CHEK1: variants seen among roughly 807,000 people sequenced by gnomAD.
The protein encoded by CHEK1 is serine/threonine-protein kinase Chk1.
A neutral mutation model predicts 60.2 loss-of-function variants in CHEK1; 32 were observed. That is an observed-to-expected ratio of 0.53 (90% confidence interval 0.40 to 0.71). The LOEUF (loss-of-function observed/expected upper bound fraction) is 0.71. CHEK1 is among the 30% of genes least tolerant of loss of function. The pLI is 0.00. For missense variants in CHEK1, 399 were observed against 564.6 expected, an observed-to-expected ratio of 0.71 and a Z score of 2.97; for synonymous variants, 179 against 187.2, an observed-to-expected ratio of 0.96 and a Z score of 0.36.
downstream of CHEK1, chr11:125,657,196 T>TGC: frequency 6.1e-6 from 1 of 162,980 alleles, no homozygotes; most frequent in East Asian, 1.3e-4. Flanking sequence ...CTTGTGTGTG[T>TGC]GTGTGTGTGT....
chr11:125,632,556 A>C (rs774038162), intron 5 of CHEK1, among the ~76,000 whole-genome samples: 26 of 152,186 alleles, frequency 1.7e-4, no homozygotes, highest in Non-Finnish European at 4.4e-5. Context: ...TTCACTAAAC[A>C]TAAGTTAAGT....
downstream of CHEK1, chr11:125,677,811 G>A: frequency 6.2e-7 from 1 of 1,614,148 alleles, no homozygotes; most frequent in Non-Finnish European, 8.5e-7. Context: ...AGATGTGCTT[G>A]AAATTGGTGC....
downstream of CHEK1, among the ~76,000 whole-genome samples, chr11:125,659,655 A>G (rs1346716081): frequency 6.6e-6 from 1 of 152,124 alleles, no homozygotes; most frequent in Admixed American, 6.5e-5. Context: ...CTGAATTTCC[A>G]GGCCTTTGGG....
chr11:125,627,572 G>T (rs761815780), intron 2 of CHEK1, 35 bp from the exon 3 acceptor site: 75 of 1,526,968 alleles, frequency 4.9e-5, no homozygotes, highest in Non-Finnish European at 6.2e-5. Context: ...AGAAGAAATG[G>T]AATTCTGTAA....
chr11:125,637,211 G>A (rs1043601948), intron 7 of CHEK1, among the ~76,000 whole-genome samples: 2 of 152,132 alleles, frequency 1.3e-5, no homozygotes, highest in African/African-American at 4.8e-5. Flanking sequence ...TTTCCATCTG[G>A]CTCTTGTTCT....
At chr11:125,675,241 C>T (rs1461362732) in intron 13 of CHEK1, among the ~76,000 whole-genome samples, 1 of 152,122 alleles carries the variant, frequency 6.6e-6, no homozygotes, top group Non-Finnish European at 1.5e-5. Flanking sequence ...TTCTGAATAC[C>T]ACCTTCTCCC....
intron 7 of CHEK1, among the ~76,000 whole-genome samples, 181 bp from the exon 8 acceptor site, chr11:125,637,268 T>TACAG (rs1390222681): frequency 6.6e-6 from 1 of 152,262 alleles, no homozygotes; most frequent in African/African-American, 2.4e-5. Context: ...TACTCCAAGA[T>TACAG]ACAGCAGCAG....
chr11:125,626,502 TG>T, intron 1 of CHEK1: 1 of 533,100 alleles, frequency 1.9e-6, no homozygotes. Context: ...TAATTTCCTC[TG>T]GGGCCTGAGG....
chr11:125,661,368 G>A (rs924133983), downstream of CHEK1, among the ~76,000 whole-genome samples: 1 of 151,912 alleles, frequency 6.6e-6, no homozygotes, highest in African/African-American at 2.4e-5. Context: ...CTAGAGTGCA[G>A]TGGTACCATC....
At chr11:125,666,463 A>G (rs185260529) in intron 13 of CHEK1, among the ~76,000 whole-genome samples, 2 of 152,278 alleles carry the variant, frequency 1.3e-5, no homozygotes, top group East Asian at 3.9e-4. Context: ...GATGACAAGA[A>G]CATGTATTCT....
chr11:125,639,489 G>C (rs1198958196), intron 8 of CHEK1, among the ~76,000 whole-genome samples: 1 of 144,680 alleles, frequency 6.9e-6, no homozygotes, highest in Non-Finnish European at 1.5e-5. Flanking sequence ...CGATTCTCGT[G>C]CCTTAGCCAC....
At chr11:125,666,951 TTTGTTG>T (rs954007836) in intron 13 of CHEK1, among the ~76,000 whole-genome samples, 1 of 151,952 alleles carries the variant, frequency 6.6e-6, no homozygotes, top group Non-Finnish European at 1.5e-5. Context: ...TCAGACAACT[TTTGTTG>T]TTGTTGTTGT....
At position 125,644,252 on chromosome 11, in the gene CHEK1, C is replaced by A. The variant is rs1462376220; in HGVS notation, c.1085C>A (p.Thr362Asn). Residue 362 changes from threonine to asparagine, a missense_variant, in exon 10 of 13, where the codon ACC (threonine) becomes AAC (asparagine). Around this residue, in one of 2 missense-constraint regions of CHEK1, gnomAD observed 370 missense variants for 494.8 expected, o/e 0.75. Transcript: ENST00000438015. ...HMLLNSQLLGTPGSSQNPWQR... is the reference protein window; with the variant it reads ...HMLLNSQLLGNPGSSQNPWQR... ...CTTTTGAATAGTCAGTTACTTGGCA[C>A]CCCAGGATCCTCACAGGTGAGGGAA... 6.2e-7 allele frequency: 1 copy of A among 1,612,268 alleles called. No individual in the cohort carries two copies. The highest frequency in any genetic ancestry group is 2.2e-5 in the East Asian group (1 of 44,870).
In CHEK1 at chr11:125,655,558, T is replaced by C; in HGVS notation, c.*238T>C. On this transcript the variant is annotated 3_prime_UTR_variant, in exon 13 of 13. Transcript: ENST00000438015. Reference sequence around the variant, plus strand: ...GATGAATAGAATTCATTTGATTATTTCTTCATGTGTGTTTAGTATCTGAAT... The same window carrying C: ...GATGAATAGAATTCATTTGATTATTCCTTCATGTGTGTTTAGTATCTGAAT... 1 of 339,722 alleles carries C rather than the reference T, an allele frequency of 2.9e-6. No individual in the cohort carries two copies. 21.0% of individuals were successfully genotyped at this position (339,722 alleles called of 1,614,324 possible). A position where few individuals can be genotyped will look rare whatever the true frequency, so the allele number is the denominator to read the frequency against.
Position 125,644,112 on chromosome 11 carries a change from CAG to C in CHEK1, c.946_947del (p.Ser316PhefsTer20). The C allele has an allele frequency of 1.2e-6, 2 of 1,611,486 alleles. No homozygotes were observed. The highest frequency in any genetic ancestry group is 1.7e-6 in the Non-Finnish European group (2 of 1,179,438). Reference protein sequence around the residue: ...ASSEENVKYSSSQPEPRTGLS... With the variant: ...ASSEENVKYSXSQPEPRTGLS... ...TCAGTGAAGAAAATGTGAAGTACTCCAGTTCTCAGCCAGAACCCCGCACAGGT... is the reference window on the plus strand; with the variant it reads ...TCAGTGAAGAAAATGTGAAGTACTCCTTCTCAGCCAGAACCCCGCACAGGT... On this transcript the variant is annotated frameshift_variant, in exon 10 of 13. Coordinates refer to ENST00000438015, the MANE Select transcript of CHEK1 (RefSeq NM_001114122.3). LOFTEE classifies it high-confidence loss of function.
intron 7 of CHEK1, chr11:125,635,828 C>T (rs1403259616): frequency 5.6e-6 from 1 of 179,416 alleles, no homozygotes; most frequent in Admixed American, 6.2e-5. Flanking sequence ...GTTGCAAATA[C>T]ACTCGTTTGT....
intron 11 of CHEK1, among the ~76,000 whole-genome samples, chr11:125,646,499 T>A (rs1941512900): frequency 6.6e-6 from 1 of 152,198 alleles, no homozygotes; most frequent in Admixed American, 6.5e-5. Flanking sequence ...AGGAATAGAA[T>A]TGTTGGAGCA....
intron 5 of CHEK1, 105 bp downstream of exon 5, chr11:125,629,565 CT>C: frequency 1.3e-6 from 1 of 780,260 alleles, no homozygotes; most frequent in East Asian, 2.9e-5. Flanking sequence ...AAAATCAAGT[CT>C]TTTTGCATTA....
chr11:125,651,528 TC>T (rs1182522142), intron 11 of CHEK1, among the ~76,000 whole-genome samples: 4 of 152,040 alleles, frequency 2.6e-5, no homozygotes, highest in African/African-American at 9.7e-5. Context: ...CCTCAGGTGA[TC>T]CACCCACCTC....
Sources: gnomAD v4.1 joint callset for allele counts (sites outside exome capture counted in the v4.1 genomes callset) on GRCh38, gnomAD v4.1.1 for gene constraint, gnomAD v4.1.1 regional missense constraint, MANE v1.5 for transcripts, NCBI Gene and HGNC (gene_info 2026-07-23, HGNC 2026-07-21) for gene names.